Variants in TEAD4 observed in about 807,000 individuals in gnomAD.
TEAD4 encodes the protein TEA domain transcription factor 4.
A neutral mutation model predicts 52.4 loss-of-function variants in TEAD4; 36 were observed. The observed-to-expected ratio is 0.69, with a 90% confidence interval of 0.53 to 0.91. The LOEUF (loss-of-function observed/expected upper bound fraction) is 0.91, where lower values mean the gene tolerates loss of function less well. Among genes scored for constraint, TEAD4 ranks in the 40% least tolerant of loss-of-function variants. The pLI is 0.00. For synonymous variants in TEAD4, 220 were observed against 231.0 expected (o/e 0.95, Z 0.43); for missense variants, 508 against 583.9 (o/e 0.87, Z 1.34).
chr12:2,962,083 A>G (rs1164564835), intron 2 of TEAD4, among the ~76,000 whole-genome samples: 2 of 151,592 alleles, frequency 1.3e-5, no homozygotes, highest in Admixed American at 6.6e-5. Context: ...GTCAGCATCT[A>G]AGTCCCCCAT....
At chr12:2,993,986 G>A (rs572134369) in intron 2 of TEAD4, among the ~76,000 whole-genome samples, 5 of 152,300 alleles carry the variant, frequency 3.3e-5, no homozygotes, top group African/African-American at 1.2e-4. Flanking sequence ...CACTTGGTTT[G>A]CTTCTACCTT....
At chr12:2,963,209 ACCT>A (rs1333972793) in intron 2 of TEAD4, among the ~76,000 whole-genome samples, 1 of 151,964 alleles carries the variant, frequency 6.6e-6, no homozygotes, top group Non-Finnish European at 1.5e-5. Flanking sequence ...AAATGTCACA[ACCT>A]CCTTTGATTT....
chr12:2,986,208 C>A (rs985126639), intron 2 of TEAD4, among the ~76,000 whole-genome samples: 2 of 152,196 alleles, frequency 1.3e-5, no homozygotes, highest in African/African-American at 4.8e-5. Flanking sequence ...CACTGGAAAG[C>A]GTTTGGGGCA....
intron 2 of TEAD4, among the ~76,000 whole-genome samples, chr12:2,965,297 A>G (rs2098219307): frequency 6.6e-6 from 1 of 151,688 alleles, no homozygotes; most frequent in Non-Finnish European, 1.5e-5. Flanking sequence ...AGCTGGGACT[A>G]CAGGTATACG....
intron 3 of TEAD4, among the ~76,000 whole-genome samples, chr12:3,003,624 C>T (rs190626277): frequency 1.5e-4 from 23 of 152,266 alleles, no homozygotes; most frequent in African/African-American, 3.4e-4. Context: ...TGTTTCTCCA[C>T]GGGCAGCCTT....
rs1290739983 is a variant in TEAD4, at chr12:2,994,727, T to G, written c.-29-11T>G. The G allele has an allele frequency of 6.4e-7, 1 of 1,555,358 alleles. No individual in the cohort carries two copies. Among genetic ancestry groups the G allele is most frequent in the Non-Finnish European group, 8.7e-7 (1 of 1,151,218 alleles). Reference sequence around the variant, plus strand: ...CACTGCTCACCGGGGCTGTGGTTCCTGTCCCCACAGGTCCAACGAGCGCTC... The same window carrying G: ...CACTGCTCACCGGGGCTGTGGTTCCGGTCCCCACAGGTCCAACGAGCGCTC... On this transcript the variant is annotated splice_polypyrimidine_tract_variant and intron_variant, in intron 2 of 12. Transcript: ENST00000359864. The surrounding 1 kb of genome is among the most constrained non-coding windows in gnomAD (Gnocchi z 4.7).
At position 3,016,269 on chromosome 12, in the gene TEAD4, C is replaced by T. The variant is rs550782750; in HGVS notation, c.355-1129C>T. Among the ~76,000 whole-genome samples the T allele has an allele frequency of 2.0e-5, 3 of 152,266 alleles. No homozygotes were observed. The East Asian group carries it at 5.8e-4, about 29-fold the overall frequency. On this transcript the variant is annotated intron_variant, in intron 5 of 12. Coordinates refer to ENST00000359864, the MANE Select transcript of TEAD4 (RefSeq NM_003213.4). ...CCTAGAACTCCTGGGCTCAAGCGAT[C>T]TACCAACCTCAGCCTCTCCAGGAGC...
chr12:3,023,888 G>A (rs1310932804), intron 10 of TEAD4, among the ~76,000 whole-genome samples: 1 of 151,604 alleles, frequency 6.6e-6, no homozygotes, highest in Non-Finnish European at 1.5e-5. Flanking sequence ...AATTTCAGCT[G>A]TTTATTTTGG....
At chr12:2,986,510 C>T (rs952721947) in intron 2 of TEAD4, among the ~76,000 whole-genome samples, 3 of 151,246 alleles carry the variant, frequency 2.0e-5, no homozygotes, top group African/African-American at 4.9e-5. Context: ...CGTGGTGGTA[C>T]GTGCCTGTAA....
At chr12:3,030,277 T>G (rs1278490692) in intron 10 of TEAD4, among the ~76,000 whole-genome samples, 4 of 152,222 alleles carry the variant, frequency 2.6e-5, no homozygotes, top group Non-Finnish European at 5.9e-5. Flanking sequence ...GCTTAAGCCA[T>G]TCTCCTGCCT....
At chr12:2,983,158 A>C (rs1211554432) in intron 2 of TEAD4, among the ~76,000 whole-genome samples, 1 of 152,240 alleles carries the variant, frequency 6.6e-6, no homozygotes, top group African/African-American at 2.4e-5. Flanking sequence ...GGCCTCAGGT[A>C]TTAAAATGAT....
At chr12:3,013,635 G>A (rs556705454) in intron 5 of TEAD4, among the ~76,000 whole-genome samples, 5 of 152,324 alleles carry the variant, frequency 3.3e-5, no homozygotes, top group South Asian at 2.1e-4. Flanking sequence ...TCGGGAGGCT[G>A]AGGCAGGAGA....
chr12:3,012,606 G>C (rs1270585741), intron 5 of TEAD4, among the ~76,000 whole-genome samples: 1 of 152,170 alleles, frequency 6.6e-6, no homozygotes, highest in South Asian at 2.1e-4. Flanking sequence ...TGCCTGCTGT[G>C]GGGGTGGGGG....
Position 3,040,346 on chromosome 12 carries a change from G to A in TEAD4, c.1192-19G>A. On this transcript the variant is annotated intron_variant, in intron 12 of 12. Coordinates refer to ENST00000359864, the MANE Select transcript of TEAD4 (RefSeq NM_003213.4). ...CCCTTCTGGGGCCTTATTAACCCTT[G>A]TCTTTTTCTCTCCCACAGGTGGTCA... 1 of 1,614,132 alleles carries A rather than the reference G, an allele frequency of 6.2e-7. No homozygotes were observed.
chr12:2,976,943 T>G (rs558750931), intron 2 of TEAD4, among the ~76,000 whole-genome samples: 2 of 152,302 alleles, frequency 1.3e-5, no homozygotes, highest in South Asian at 4.1e-4. Context: ...CATCTCCATT[T>G]ACTTAATTTA....
intron 10 of TEAD4, among the ~76,000 whole-genome samples, chr12:3,031,813 C>T (rs12580779): frequency 0.18 from 27,453 of 152,186 alleles, 4,141 homozygotes; most frequent in African/African-American, 0.42. Context: ...AGACCCATAC[C>T]AGACCACGGG....
At chr12:3,032,160 G>T (rs1196674154) in intron 10 of TEAD4, among the ~76,000 whole-genome samples, 7 of 152,230 alleles carry the variant, frequency 4.6e-5, no homozygotes, top group African/African-American at 1.7e-4. Context: ...GGACCTAGAA[G>T]GTACTTTTCC....
At chr12:3,012,370 C>A in intron 5 of TEAD4, 138 bp downstream of exon 5, 2 of 895,308 alleles carry the variant, frequency 2.2e-6, no homozygotes, top group Admixed American at 2.5e-5. Flanking sequence ...CAGGTTGGGC[C>A]TGTAACCTCT....
chr12:3,034,040 T>C lies in TEAD4; in HGVS notation c.898-3928T>C, dbSNP rs1405474694. On this transcript the variant is annotated intron_variant, in intron 10 of 12. Coordinates refer to ENST00000359864, the MANE Select transcript of TEAD4 (RefSeq NM_003213.4). ...TCTGGGGCTGATTGTGGGATCTCTC[T>C]TTCTCCCCCTGACCCATTGCTCAAC... Among the ~76,000 whole-genome samples, 3 of 151,406 alleles carry C rather than the reference T, an allele frequency of 2.0e-5. 1 individual carries two copies. Among genetic ancestry groups the C allele is most frequent in the African/African-American group, 7.4e-5 (3 of 40,722 alleles).
Sources: allele counts gnomAD v4.1 joint callset (sites outside exome capture counted in the v4.1 genomes callset), GRCh38; gene constraint gnomAD v4.1.1; non-coding constraint Gnocchi (gnomAD v3.1); transcripts MANE v1.5; gene names NCBI Gene and HGNC (gene_info 2026-07-23, HGNC 2026-07-21).